The following AKAP9 variants were observed in gnomAD, a reference collection of about 807,000 sequenced individuals.
The protein encoded by AKAP9 is A-kinase anchoring protein 9.
Under a neutral mutation model 488.5 loss-of-function variants are expected in AKAP9, and 311 were observed. That is an observed-to-expected ratio of 0.64 (90% CI 0.58 to 0.70). AKAP9 has a LOEUF of 0.70. Among genes scored for constraint, AKAP9 ranks in the 30% least tolerant of loss-of-function variants. AKAP9 has a pLI of 0.00. For synonymous variants in AKAP9, 1,462 were observed against 1,483.5 expected (o/e 0.99, Z 0.33); for missense variants, 4,215 against 4,374.5 (o/e 0.96, Z 1.03).
chr7:92,091,274 G>A (rs1308755485), intron 38 of AKAP9, among the ~76,000 whole-genome samples: 2 of 152,034 alleles, frequency 1.3e-5, no homozygotes. Flanking sequence ...GTCACAGCAT[G>A]GTCTCACATT....
At chr7:92,015,303 T>A (rs1801354067) in intron 10 of AKAP9, among the ~76,000 whole-genome samples, 1 of 152,106 alleles carries the variant, frequency 6.6e-6, no homozygotes, top group African/African-American at 2.4e-5. Flanking sequence ...GAACAACGCG[T>A]CAAATATTTT....
rs749688986 is a variant in AKAP9 at position 92,012,973 on chromosome 7, A to ATTTTTTT, written c.3532+361_3532+367dup. Among the ~76,000 whole-genome samples the ATTTTTTT allele has an allele frequency of 3.0e-4, 18 of 60,752 alleles. 1 individual carries two copies. Among genetic ancestry groups the ATTTTTTT allele is most frequent in the South Asian group, 6.5e-4 (1 of 1,540 alleles). The allele number at this position is 60,752 out of a possible 152,430, so 39.9% of individuals were successfully genotyped here. On this transcript the variant is annotated intron_variant, in intron 9 of 49. Transcript: ENST00000356239. ...GGTGGTAGACAGTGGTGGGGTTGGA[A>ATTTTTTT]TTTTTTTTTTTTTTTTTTTTTTTTT...
chr7:92,026,543 T>A (rs932685850), intron 14 of AKAP9, among the ~76,000 whole-genome samples: 2 of 152,110 alleles, frequency 1.3e-5, no homozygotes, highest in Non-Finnish European at 2.9e-5. Flanking sequence ...CCATGTTGGC[T>A]GGGCTGGTCT....
rs750611004 is a variant in AKAP9 at position 92,022,885 on chromosome 7, G to A, written c.4024G>A (p.Glu1342Lys). ...EKTKLEEQVQELESLISSLQQ... is the reference protein window; with the variant it reads ...EKTKLEEQVQKLESLISSLQQ... ...AACTAAACTTGAAGAACAAGTTCAA[G>A]AATTAGAAAGCCTCATATCCTCTTT... Residue 1342 changes from glutamate to lysine, a missense_variant, in exon 14 of 50, where the codon GAA becomes AAA. Coordinates refer to ENST00000356239, the MANE Select transcript of AKAP9 (RefSeq NM_005751.5). 1.2e-6 allele frequency: 2 copies of A among 1,612,126 alleles called. No homozygotes were observed. Among genetic ancestry groups the A allele is most frequent in the South Asian group, 2.2e-5 (2 of 91,032 alleles).
At chr7:92,030,872 T>A (rs1482556810) in intron 15 of AKAP9, among the ~76,000 whole-genome samples, 1 of 152,176 alleles carries the variant, frequency 6.6e-6, no homozygotes, top group African/African-American at 2.4e-5. Flanking sequence ...ACCCTGGTCT[T>A]CACTCAGTAG....
intron 17 of AKAP9, among the ~76,000 whole-genome samples, chr7:92,039,030 T>G (rs1371581518): frequency 6.6e-6 from 1 of 152,108 alleles, no homozygotes; most frequent in African/African-American, 2.4e-5. Flanking sequence ...CTCAGCCTCC[T>G]GAGTAACTGG....
intron 2 of AKAP9, among the ~76,000 whole-genome samples, chr7:91,974,626 T>C (rs1225406976): frequency 6.6e-6 from 1 of 152,148 alleles, no homozygotes; most frequent in Non-Finnish European, 1.5e-5. Context: ...GGTTTTTCTG[T>C]TTCTGCATTA....
At chr7:91,988,908 A>G (rs1357407055) in intron 3 of AKAP9, among the ~76,000 whole-genome samples, 1 of 152,172 alleles carries the variant, frequency 6.6e-6, no homozygotes, top group Non-Finnish European at 1.5e-5. Flanking sequence ...TCAACTAGTC[A>G]TTTACATTAG....
At chr7:91,989,160 G>A (rs1200942821) in intron 3 of AKAP9, among the ~76,000 whole-genome samples, 8 of 152,040 alleles carry the variant, frequency 5.3e-5, no homozygotes, top group African/African-American at 1.9e-4. Flanking sequence ...TTCTCAGAAG[G>A]ATTTCAGGTT....
At chr7:92,092,536 C>T (rs1291807688) in intron 38 of AKAP9, 1 of 152,000 alleles carries the variant, frequency 6.6e-6, no homozygotes, top group African/African-American at 2.4e-5. Flanking sequence ...AGTCTTGCAT[C>T]CATTAATGTA....
At chr7:92,019,640 C>CAT (rs951398748) in intron 12 of AKAP9, among the ~76,000 whole-genome samples, 211 of 149,580 alleles carry the variant, frequency 1.4e-3, no homozygotes, top group African/African-American at 4.4e-3. Context: ...TACTATTTTA[C>CAT]ATATATATAT....
intron 3 of AKAP9, among the ~76,000 whole-genome samples, chr7:91,990,736 A>T (rs1562943458): frequency 1.3e-5 from 2 of 152,226 alleles, no homozygotes; most frequent in East Asian, 3.8e-4. Context: ...TAACTGATTC[A>T]TGTAATACTG....
At chr7:91,960,782 T>C (rs992999519) in intron 1 of AKAP9, among the ~76,000 whole-genome samples, 6 of 152,350 alleles carry the variant, frequency 3.9e-5, no homozygotes, top group Admixed American at 3.9e-4. Context: ...TCAATAAATA[T>C]CTGTTGAATA....
chr7:92,007,771 C>T (rs547796642), intron 8 of AKAP9, among the ~76,000 whole-genome samples: 36 of 152,072 alleles, frequency 2.4e-4, no homozygotes, highest in Middle Eastern at 3.4e-3. Flanking sequence ...TTTTGAAAAA[C>T]GCAGAATAGT....
chr7:91,948,603 T>A (rs1791771350), intron 1 of AKAP9, among the ~76,000 whole-genome samples: 2 of 95,280 alleles, frequency 2.1e-5, no homozygotes, highest in Admixed American at 1.4e-4. Context: ...ACTTGTAGAT[T>A]TCTTTTTTTT....
intron 37 of AKAP9, among the ~76,000 whole-genome samples, chr7:92,088,695 G>A (rs954192932): frequency 2.0e-5 from 3 of 152,224 alleles, no homozygotes; most frequent in East Asian, 1.9e-4. Flanking sequence ...GGTAGTGGTG[G>A]TTACGTGAAC....
Position 92,085,807 on chromosome 7 carries a change from T to G in AKAP9, c.9024+121T>G, listed in dbSNP as rs1322089436. 3.8e-6 allele frequency: 3 copies of G among 798,036 alleles called. No individual in the cohort carries two copies. The East Asian group carries it at 9.2e-5, about 25-fold the overall frequency. 49.4% of individuals were successfully genotyped at this position (798,036 alleles called of 1,614,324 possible). A position where few individuals can be genotyped will look rare whatever the true frequency, so the allele number is the denominator to read the frequency against. On this transcript the variant is annotated intron_variant, in intron 36 of 49. Coordinates refer to ENST00000356239, the MANE Select transcript of AKAP9 (RefSeq NM_005751.5). ...CATGAATAACTATATATATATATTT[T>G]CACACTTGAAACTCAGCCAGAAGCA...
In AKAP9 at chr7:92,079,584, A is replaced by C. The variant is rs35759833; in HGVS notation, c.7451A>C (p.Lys2484Thr). The part of the protein sequence containing the change: ...LKSLENQTYF[K>T]SFEENGKGSI... ...TCCCTAGAAAATCAGACATACTTCA[A>C]ATCTTTTGAAGAAAATGGCAAAGGT... Residue 2484 changes from lysine to threonine, a missense_variant, in exon 31 of 50, where the codon AAA (lysine) becomes ACA (threonine). Transcript: ENST00000356239. 1 of 1,613,770 alleles carries C rather than the reference A, an allele frequency of 6.2e-7. No individual in the cohort carries two copies. Among genetic ancestry groups the C allele is most frequent in the South Asian group, 1.1e-5 (1 of 91,056 alleles).
At chr7:92,086,174 G>A in intron 36 of AKAP9, 54 bp from the exon 37 acceptor site, 1 of 1,409,250 alleles carries the variant, frequency 7.1e-7, no homozygotes. Context: ...TTTTTAGAAT[G>A]TTTTTAAAAC....
Sources: allele counts gnomAD v4.1 joint callset (sites outside exome capture counted in the v4.1 genomes callset), GRCh38; gene constraint gnomAD v4.1.1; transcripts MANE v1.5; gene names NCBI Gene and HGNC (gene_info 2026-07-23, HGNC 2026-07-21).